The following GEMIN8 variants were observed in gnomAD, a reference collection of about 807,000 sequenced individuals.
GEMIN8 encodes gem-associated protein 8.
For synonymous variants in GEMIN8, 80 were observed against 78.5 expected, an observed-to-expected ratio of 1.02 and a Z score of -0.10; for missense variants, 185 against 205.9, an observed-to-expected ratio of 0.90 and a Z score of 0.62.
chrX:14,018,238 G>C (rs1924062328), intron 4 of GEMIN8, among the ~76,000 whole-genome samples: 1 of 112,556 alleles, frequency 8.9e-6, no homozygotes, highest in Admixed American at 9.4e-5. Flanking sequence ...GGGAGGAATA[G>C]GGATGGTTGT....
intron 4 of GEMIN8, among the ~76,000 whole-genome samples, chrX:14,013,411 T>C (rs1923696428): frequency 1.8e-5 from 2 of 112,634 alleles, no homozygotes; most frequent in Admixed American, 9.4e-5. Flanking sequence ...GAAATCTTTT[T>C]TGATTCTATT....
the GEMIN8 span, among the ~76,000 whole-genome samples, chrX:13,986,963 A>T: frequency 8.9e-6 from 1 of 112,704 alleles, no homozygotes; most frequent in Non-Finnish European, 1.9e-5. Context: ...TAATAGTTTT[A>T]TTTAAGGAAC....
downstream of GEMIN8, among the ~76,000 whole-genome samples, chrX:14,005,172 G>A (rs187480591): frequency 9.0e-5 from 10 of 110,869 alleles, no homozygotes; most frequent in Admixed American, 9.6e-4. Context: ...CCTGGGTGAT[G>A]GGAGTCTTTT....
At chrX:13,986,075 A>AAAC in the GEMIN8 span, among the ~76,000 whole-genome samples, 148 of 112,433 alleles carry the variant, frequency 1.3e-3, 2 homozygotes, top group African/African-American at 4.7e-3. Context: ...ACAAACAAAC[A>AAAC]AACAACAACA....
chrX:14,009,123 G>A lies in GEMIN8; in HGVS notation c.519C>T (p.Asn173=), dbSNP rs769252001. ...LDAERLDSYV[N]ADHDLYCNTR... ...TGTTGCAGTACAGGTCGTGGTCAGC[G>A]TTCACATAGCTGTCCAGGCGCTCTG... Residue 173 remains asparagine (N), a synonymous_variant, in exon 5 of 5, where the codon AAC becomes AAT. Coordinates refer to ENST00000680255, the MANE Select transcript of GEMIN8 (RefSeq NM_001042479.2). 38 of 1,208,669 alleles carry A rather than the reference G, an allele frequency of 3.1e-5. 1 individual carries two copies. Among genetic ancestry groups the A allele is most frequent in the Non-Finnish European group, 3.8e-5 (34 of 893,461 alleles).
At chrX:14,000,423 C>T in the GEMIN8 span, among the ~76,000 whole-genome samples, 2 of 110,567 alleles carry the variant, frequency 1.8e-5, no homozygotes, top group Non-Finnish European at 3.8e-5. Flanking sequence ...AGTGAAACCC[C>T]GTCTCTACTA....
At chrX:14,019,738 T>C (rs958374056) in intron 4 of GEMIN8, among the ~76,000 whole-genome samples, 1 of 111,599 alleles carries the variant, frequency 9.0e-6, no homozygotes, top group Non-Finnish European at 1.9e-5. Context: ...AAAATGAGTT[T>C]AATACTCTGA....
At chrX:14,023,362 T>C (rs1359287960) in intron 2 of GEMIN8, among the ~76,000 whole-genome samples, 1 of 110,440 alleles carries the variant, frequency 9.1e-6, no homozygotes, top group African/African-American at 3.3e-5. Flanking sequence ...GCTAATTCAC[T>C]AGAACCAGGT....
At chrX:14,025,276 T>C (rs1924617456) in intron 2 of GEMIN8, among the ~76,000 whole-genome samples, 1 of 110,038 alleles carries the variant, frequency 9.1e-6, no homozygotes, top group African/African-American at 3.3e-5. Context: ...GCGAGATAAA[T>C]ATTTTAGGCT....
the GEMIN8 span, among the ~76,000 whole-genome samples, chrX:13,985,513 GT>G: frequency 5.3e-4 from 59 of 112,004 alleles, no homozygotes; most frequent in African/African-American, 1.8e-3. Context: ...ACTTCCTTAC[GT>G]TCTTAATATA....
At chrX:13,991,055 A>C in the GEMIN8 span, among the ~76,000 whole-genome samples, 2 of 112,573 alleles carry the variant, frequency 1.8e-5, no homozygotes, top group Non-Finnish European at 1.9e-5. Flanking sequence ...TTGCACTTAA[A>C]AATATACCTT....
chrX:14,016,848 A>AT (rs1405538681), intron 4 of GEMIN8, among the ~76,000 whole-genome samples: 1 of 71,125 alleles, frequency 1.4e-5, no homozygotes, highest in East Asian at 4.1e-4. Flanking sequence ...CTGTCTCAAA[A>AT]AAAAAAAAAA....
the GEMIN8 span, among the ~76,000 whole-genome samples, chrX:13,986,062 AAAAC>A: frequency 2.2e-4 from 25 of 112,268 alleles, no homozygotes; most frequent in East Asian, 1.1e-3. Context: ...ACTGTGCTAA[AAAAC>A]AAACAAACAA....
chrX:13,999,886 C>A, the GEMIN8 span, among the ~76,000 whole-genome samples: 2 of 111,944 alleles, frequency 1.8e-5, no homozygotes, highest in Non-Finnish European at 1.9e-5. Flanking sequence ...GAACTTACGA[C>A]TGGTGATGTT....
intron 4 of GEMIN8, among the ~76,000 whole-genome samples, chrX:14,016,866 A>ATATAT (rs869108534): frequency 8.7e-5 from 5 of 57,172 alleles, no homozygotes; most frequent in Admixed American, 2.4e-4. Flanking sequence ...AAAAAAAAAA[A>ATATAT]ATATATATAT....
the GEMIN8 span, among the ~76,000 whole-genome samples, chrX:13,998,685 C>T: frequency 3.6e-5 from 4 of 111,282 alleles, no homozygotes; most frequent in East Asian, 2.8e-4. Context: ...AACTCCTGGG[C>T]GCAAGAGATC....
chrX:14,022,088 A>T (rs1247661120), intron 2 of GEMIN8, among the ~76,000 whole-genome samples: 2 of 103,529 alleles, frequency 1.9e-5, no homozygotes, highest in East Asian at 6.2e-4. Flanking sequence ...ATACACACAC[A>T]CACAATATAC....
intron 4 of GEMIN8, among the ~76,000 whole-genome samples, chrX:14,018,965 G>C (rs753938378): frequency 9.1e-6 from 1 of 110,381 alleles, no homozygotes; most frequent in South Asian, 3.8e-4. Context: ...TTAAACAAAA[G>C]AAAGGAAGTC....
downstream of GEMIN8, among the ~76,000 whole-genome samples, chrX:14,006,187 C>T (rs146914590): frequency 9.3e-3 from 1,028 of 110,688 alleles, 16 homozygotes; most frequent in Non-Finnish European, 0.016. Context: ...CACCACCACA[C>T]CTGGCTTATT....
Sources: allele counts gnomAD v4.1 joint callset (sites outside exome capture counted in the v4.1 genomes callset), GRCh38; gene constraint gnomAD v4.1.1; transcripts MANE v1.5; gene names NCBI Gene and HGNC (gene_info 2026-07-23, HGNC 2026-07-21).